RIMBP2: variants seen among roughly 807,000 people sequenced by gnomAD.
RIMBP2 encodes the protein RIMS-binding protein 2.
A neutral mutation model predicts 118.6 loss-of-function variants in RIMBP2; 48 were observed. The observed-to-expected ratio is 0.40, with a 90% CI of 0.32 to 0.51. The LOEUF (loss-of-function observed/expected upper bound fraction) is 0.51, where lower values mean the gene tolerates loss of function less well. Ranked by LOEUF, RIMBP2 falls within the 20% of genes least tolerant of loss-of-function variation. The pLI is 0.41. For missense variants in RIMBP2, 1,551 were observed against 1,768.3 expected, an observed-to-expected ratio of 0.88 and a Z score of 2.20; for synonymous variants, 762 against 742.9, an observed-to-expected ratio of 1.03 and a Z score of -0.42.
chr12:130,474,988 C>T (rs555424535), intron 5 of RIMBP2, among the ~76,000 whole-genome samples: 1 of 152,296 alleles, frequency 6.6e-6, no homozygotes, highest in South Asian at 2.1e-4. Flanking sequence ...CTCTTGCTCC[C>T]GGTCTCCAGG....
chr12:130,468,737 G>T (rs1452936558), intron 6 of RIMBP2, among the ~76,000 whole-genome samples: 1 of 152,114 alleles, frequency 6.6e-6, no homozygotes, highest in African/African-American at 2.4e-5. Context: ...CGAATTAACC[G>T]AATTCAGGGT....
At chr12:130,709,527 T>C (rs1949744645) in intron 1 of RIMBP2, among the ~76,000 whole-genome samples, 1 of 152,200 alleles carries the variant, frequency 6.6e-6, no homozygotes, top group Non-Finnish European at 1.5e-5. Context: ...TTTACAGACC[T>C]GGAGCTGAGT....
At chr12:130,530,290 T>C (rs4759713) in intron 2 of RIMBP2, among the ~76,000 whole-genome samples, 112,893 of 151,538 alleles carry the variant, frequency 0.74, 42,174 homozygotes, top group East Asian at 0.84. Context: ...GGTAATTTTT[T>C]TCTATATGTG....
At chr12:130,607,426 T>C (rs2060256112) in intron 2 of RIMBP2, among the ~76,000 whole-genome samples, 1 of 152,060 alleles carries the variant, frequency 6.6e-6, no homozygotes, top group Non-Finnish European at 1.5e-5. Context: ...TAGCTTTCCT[T>C]GAATTTGCCA....
chr12:130,401,489 C>T (rs1254851398), intron 21 of RIMBP2, among the ~76,000 whole-genome samples: 2 of 151,918 alleles, frequency 1.3e-5, no homozygotes, highest in African/African-American at 4.8e-5. Context: ...CTTCCTGCAT[C>T]TTCCTGTTCA....
intron 4 of RIMBP2, among the ~76,000 whole-genome samples, chr12:130,498,209 G>GC (rs947731235): frequency 2.0e-5 from 3 of 151,946 alleles, no homozygotes; most frequent in Non-Finnish European, 4.4e-5. Context: ...CTCCATGAAG[G>GC]CAGCACTGAC....
intron 21 of RIMBP2, among the ~76,000 whole-genome samples, chr12:130,400,093 G>C (rs1245382320): frequency 6.6e-6 from 1 of 152,154 alleles, no homozygotes; most frequent in African/African-American, 2.4e-5. Context: ...TTAGGATCAG[G>C]CTTCTGAAGG....
chr12:130,540,207 T>C (rs1406551891), intron 2 of RIMBP2, among the ~76,000 whole-genome samples: 2 of 152,188 alleles, frequency 1.3e-5, no homozygotes, highest in African/African-American at 4.8e-5. Flanking sequence ...TTTCATCCAA[T>C]GTGTGCTTTG....
At chr12:130,715,832 C>T (rs1216463770) in intron 1 of RIMBP2, among the ~76,000 whole-genome samples, 1 of 151,180 alleles carries the variant, frequency 6.6e-6, no homozygotes, top group Non-Finnish European at 1.5e-5. Flanking sequence ...GGGGCGCACT[C>T]CCCAGGCGAG....
intron 1 of RIMBP2, among the ~76,000 whole-genome samples, chr12:130,692,344 C>G (rs968925064): frequency 6.6e-6 from 1 of 152,188 alleles, no homozygotes; most frequent in Non-Finnish European, 1.5e-5. Flanking sequence ...CCCCTTCCCT[C>G]TCCTCCCACT....
intron 2 of RIMBP2, among the ~76,000 whole-genome samples, chr12:130,612,414 G>A (rs575058802): frequency 6.6e-6 from 1 of 152,260 alleles, no homozygotes; most frequent in African/African-American, 2.4e-5. Context: ...AGGTCACCAT[G>A]CGTGAGCTGC....
At position 130,506,634 on chromosome 12, in the gene RIMBP2, G is replaced by C; in HGVS notation, c.-4+14C>G. ...AAGAGCAGAAGCGGTCCCAAATGCA[G>C]AAAGCCAGCTTACCTTCAGGACCTG... On this transcript the variant is annotated intron_variant, in intron 4 of 22. Coordinates refer to ENST00000690449, the MANE Select transcript of RIMBP2 (RefSeq NM_001393629.1). 1.0e-6 allele frequency: 1 copy of C among 985,688 alleles called. No individual in the cohort carries two copies. Among genetic ancestry groups the C allele is most frequent in the Non-Finnish European group, 1.2e-6 (1 of 829,930 alleles). 61.1% of individuals were successfully genotyped at this position (985,688 alleles called of 1,614,324 possible).
chr12:130,651,012 C>A, intron 1 of RIMBP2, among the ~76,000 whole-genome samples: 2 of 149,330 alleles, frequency 1.3e-5, no homozygotes. Context: ...GTAAATGTCA[C>A]AGGAAGGATG....
chr12:130,624,433 T>G (rs1046848933), intron 2 of RIMBP2, among the ~76,000 whole-genome samples: 9 of 152,216 alleles, frequency 5.9e-5, no homozygotes, highest in Admixed American at 3.9e-4. Flanking sequence ...CCACATCCAC[T>G]TTTGTCTATA....
At chr12:130,630,049 A>G (rs1444524886) in intron 1 of RIMBP2, among the ~76,000 whole-genome samples, 1 of 151,710 alleles carries the variant, frequency 6.6e-6, no homozygotes. Context: ...ACAAGATGCT[A>G]AAAAGACCAA....
chr12:130,517,332 C>A (rs1211662948), intron 3 of RIMBP2, among the ~76,000 whole-genome samples: 1 of 152,156 alleles, frequency 6.6e-6, no homozygotes, highest in Non-Finnish European at 1.5e-5. Context: ...CCAGATGCAG[C>A]CCCTCAACCT....
chr12:130,564,630 C>T (rs934397907), intron 2 of RIMBP2, among the ~76,000 whole-genome samples: 5 of 152,128 alleles, frequency 3.3e-5, no homozygotes, highest in East Asian at 1.9e-4. Flanking sequence ...AAAGACATTA[C>T]GCTAAGTGAA....
intron 1 of RIMBP2, among the ~76,000 whole-genome samples, chr12:130,653,837 G>T (rs2063323484): frequency 6.6e-6 from 1 of 152,234 alleles, no homozygotes; most frequent in African/African-American, 2.4e-5. Context: ...TCTGGCCCAA[G>T]CTACACCCAG....
At chr12:130,696,178 C>T (rs1343913066) in intron 1 of RIMBP2, among the ~76,000 whole-genome samples, 1 of 152,180 alleles carries the variant, frequency 6.6e-6, no homozygotes, top group African/African-American at 2.4e-5. Flanking sequence ...CAAGGACAGG[C>T]ACATGATAAG....
Sources: allele counts gnomAD v4.1 joint callset (sites outside exome capture counted in the v4.1 genomes callset), GRCh38; gene constraint gnomAD v4.1.1; transcripts MANE v1.5; gene names NCBI Gene and HGNC (gene_info 2026-07-23, HGNC 2026-07-21).